SCHIP1: variants seen among roughly 807,000 people sequenced by gnomAD.
The protein encoded by SCHIP1 is schwannomin interacting protein 1.
In SCHIP1, 8 loss-of-function variants were observed where a neutral mutation model predicts 29.7. That is an observed-to-expected ratio of 0.27 (90% CI 0.16 to 0.49). SCHIP1 has a LOEUF of 0.49. Among genes scored for constraint, SCHIP1 ranks in the 20% least tolerant of loss-of-function variants. SCHIP1 has a pLI of 0.99. For synonymous variants in SCHIP1, 76 were observed against 94.9 expected (o/e 0.80, Z 1.16); for missense variants, 193 against 294.6 (o/e 0.66, Z 2.52).
At chr3:159,876,158 T>G (rs1248346612) in intron 2 of SCHIP1, among the ~76,000 whole-genome samples, 1 of 152,240 alleles carries the variant, frequency 6.6e-6, no homozygotes, top group African/African-American at 2.4e-5. Flanking sequence ...CCAGTCTCCC[T>G]GCTTCTGTCA....
At chr3:159,442,891 G>C in the SCHIP1 span, among the ~76,000 whole-genome samples, 1 of 152,178 alleles carries the variant, frequency 6.6e-6, no homozygotes, top group African/African-American at 2.4e-5. Flanking sequence ...ACATTCATTT[G>C]ATGAGAATAT....
At chr3:159,851,261 G>T (rs1293124011) in intron 1 of SCHIP1, among the ~76,000 whole-genome samples, 1 of 152,204 alleles carries the variant, frequency 6.6e-6, no homozygotes, top group Admixed American at 6.5e-5. Context: ...TTGCACTCCA[G>T]CCTGGGCAAC....
At chr3:159,738,982 T>C in the SCHIP1 span, among the ~76,000 whole-genome samples, 1 of 152,146 alleles carries the variant, frequency 6.6e-6, no homozygotes, top group African/African-American at 2.4e-5. Context: ...CCAGATTGAG[T>C]AGGCTAGTAG....
At chr3:159,516,392 G>C in the SCHIP1 span, among the ~76,000 whole-genome samples, 3 of 152,084 alleles carry the variant, frequency 2.0e-5, no homozygotes, top group Admixed American at 6.5e-5. Flanking sequence ...AGTGTACTTT[G>C]ACTCCTCGCT....
chr3:159,764,894 C>G, the SCHIP1 span: 9 of 1,568,440 alleles, frequency 5.7e-6, no homozygotes, highest in Admixed American at 1.8e-5. This position sits in a 1 kb window ranked among gnomAD's most constrained non-coding sequence, Gnocchi z 6.1. Flanking sequence ...GCTGGCCGGC[C>G]GAGCTGTTCC....
At chr3:159,738,260 A>AG in the SCHIP1 span, among the ~76,000 whole-genome samples, 4 of 152,102 alleles carry the variant, frequency 2.6e-5, 1 homozygote, top group East Asian at 1.9e-4. Flanking sequence ...TACAAAAAAA[A>AG]AAAATAAAGA....
chr3:159,694,497 C>T, the SCHIP1 span, among the ~76,000 whole-genome samples: 6 of 142,164 alleles, frequency 4.2e-5, no homozygotes, highest in East Asian at 2.1e-4. Flanking sequence ...TCAGCCTGGC[C>T]GATAAGAGCA....
the SCHIP1 span, among the ~76,000 whole-genome samples, chr3:159,306,326 C>CCTATG: frequency 9.6e-6 from 1 of 103,640 alleles, no homozygotes; most frequent in African/African-American, 2.9e-5. Flanking sequence ...TGTTTAATAA[C>CCTATG]TTTCTTGTAA....
At chr3:159,775,642 T>A in the SCHIP1 span, among the ~76,000 whole-genome samples, 1 of 152,224 alleles carries the variant, frequency 6.6e-6, no homozygotes, top group African/African-American at 2.4e-5. Flanking sequence ...ACTCTTGTAC[T>A]GTTTGTTGTT....
chr3:159,324,344 A>G, the SCHIP1 span, among the ~76,000 whole-genome samples: 3 of 152,204 alleles, frequency 2.0e-5, no homozygotes, highest in Admixed American at 2.0e-4. Flanking sequence ...ACAAAATTTG[A>G]TAAATTTATA....
At chr3:159,480,314 A>C in the SCHIP1 span, among the ~76,000 whole-genome samples, 1 of 152,134 alleles carries the variant, frequency 6.6e-6, no homozygotes, top group African/African-American at 2.4e-5. Context: ...ACAAGTTTTT[A>C]GAAACTCCTC....
the SCHIP1 span, among the ~76,000 whole-genome samples, chr3:159,526,357 C>T: frequency 6.6e-6 from 1 of 151,896 alleles, no homozygotes; most frequent in African/African-American, 2.4e-5. Flanking sequence ...TTTGTAGAGA[C>T]AGGTTTCAGT....
chr3:159,495,135 C>A, the SCHIP1 span, among the ~76,000 whole-genome samples: 1 of 152,136 alleles, frequency 6.6e-6, no homozygotes, highest in African/African-American at 2.4e-5. Context: ...CTATGACAAA[C>A]CCACAGCCAA....
At chr3:159,740,620 C>G in the SCHIP1 span, among the ~76,000 whole-genome samples, 1 of 151,538 alleles carries the variant, frequency 6.6e-6, no homozygotes, top group African/African-American at 2.4e-5. Flanking sequence ...GTCAAGATTC[C>G]AAGAATTAAA....
chr3:159,794,304 A>T, the SCHIP1 span, among the ~76,000 whole-genome samples: 74 of 152,362 alleles, frequency 4.9e-4, 2 homozygotes, highest in South Asian at 0.015. Flanking sequence ...TACCATGTTC[A>T]GAATTTTAAT....
At chr3:159,282,848 A>G in the SCHIP1 span, 1 of 152,154 alleles carries the variant, frequency 6.6e-6, no homozygotes, top group South Asian at 2.1e-4. Context: ...TGTCTTAAAT[A>G]TTACATTTAT....
the SCHIP1 span, among the ~76,000 whole-genome samples, chr3:159,436,023 G>A: frequency 6.6e-6 from 1 of 152,092 alleles, no homozygotes; most frequent in Admixed American, 6.6e-5. Flanking sequence ...CTTAAATGAT[G>A]AGATCTGACA....
upstream of SCHIP1, among the ~76,000 whole-genome samples, chr3:159,839,302 AC>A (rs142061481): frequency 0.15 from 23,256 of 150,880 alleles, 1,854 homozygotes; most frequent in East Asian, 0.21. Context: ...AAAAAAAAAA[AC>A]CTTCCAATTA....
chr3:159,877,528 T>G (rs570288321), intron 2 of SCHIP1, among the ~76,000 whole-genome samples: 1 of 152,276 alleles, frequency 6.6e-6, no homozygotes, highest in South Asian at 2.1e-4. Context: ...GCCTAAATGG[T>G]GGCCCCAAAA....
Sources: gnomAD v4.1 joint callset for allele counts (sites outside exome capture counted in the v4.1 genomes callset) on GRCh38, gnomAD v4.1.1 for gene constraint, Gnocchi (gnomAD v3.1) non-coding constraint, MANE v1.5 for transcripts, NCBI Gene and HGNC (gene_info 2026-07-23, HGNC 2026-07-21) for gene names.